Variants in KCNIP1 observed in about 807,000 individuals in gnomAD.
The protein encoded by KCNIP1 is A-type potassium channel modulatory protein KCNIP1.
In KCNIP1, 18 loss-of-function variants were observed where a neutral mutation model predicts 33.0. The ratio of observed to expected loss-of-function variants is 0.55; its 90% CI spans 0.38 to 0.81. The LOEUF (loss-of-function observed/expected upper bound fraction) is 0.81. KCNIP1 is among the 30% of genes least tolerant of loss of function. KCNIP1 has a pLI of 0.00. For synonymous variants in KCNIP1, 93 were observed against 98.3 expected (o/e 0.95, Z 0.32); for missense variants, 238 against 271.6 (o/e 0.88, Z 0.87).
intron 5 of KCNIP1, among the ~76,000 whole-genome samples, chr5:170,730,640 G>A (rs555759167): frequency 5.3e-4 from 81 of 152,286 alleles, no homozygotes; most frequent in Admixed American, 1.9e-3. Flanking sequence ...CTATTTCCTC[G>A]TTCTATCTGT....
Position 170,528,688 on chromosome 5 carries a change from A to T in KCNIP1, c.61+24055A>T, listed in dbSNP as rs150903691. 3.0e-4 allele frequency among the ~76,000 whole-genome samples: 45 copies of T among 152,342 alleles called. No homozygotes were observed. The East Asian group carries it at 8.5e-3, about 29-fold the overall frequency. ...CCCCGTCTCTCTGTTCATAGACAGG[A>T]AATCTGTGGCCTATTCTGGGACCTC... is the stretch of plus-strand genomic sequence containing the variant. On this transcript the variant is annotated intron_variant, in intron 1 of 7. Coordinates refer to ENST00000328939, the MANE Select transcript of KCNIP1 (RefSeq NM_014592.4).
rs999942304 is a variant in KCNIP1, at chr5:170,504,846, T to A, written c.61+213T>A. 3.3e-5 allele frequency among the ~76,000 whole-genome samples: 5 copies of A among 152,284 alleles called. No individual in the cohort carries two copies. The highest frequency in any genetic ancestry group is 9.6e-5 in the African/African-American group (4 of 41,570). On this transcript the variant is annotated intron_variant, in intron 1 of 7. Coordinates refer to ENST00000328939, the MANE Select transcript of KCNIP1 (RefSeq NM_014592.4). The surrounding 1 kb of genome is among the most constrained non-coding windows in gnomAD (Gnocchi z 6.0). ...AGTGGACGTCTGCCCCAGCGGCAACTGGACCCCTCTGGGGCACCAGGTGTC... is the reference window on the plus strand; with the variant it reads ...AGTGGACGTCTGCCCCAGCGGCAACAGGACCCCTCTGGGGCACCAGGTGTC...
intron 1 of KCNIP1, among the ~76,000 whole-genome samples, chr5:170,644,084 A>T (rs1209965784): frequency 6.6e-6 from 1 of 152,204 alleles, no homozygotes; most frequent in Non-Finnish European, 1.5e-5. Flanking sequence ...TGCCCTCAGT[A>T]AGTCTGCCAG....
intron 1 of KCNIP1, among the ~76,000 whole-genome samples, chr5:170,615,471 T>C (rs79749820): frequency 6.6e-6 from 1 of 152,232 alleles, no homozygotes; most frequent in Non-Finnish European, 1.5e-5. Flanking sequence ...TCTGCAATCA[T>C]GGAGCTGGCA....
At chr5:170,608,487 C>A (rs958705592) in intron 1 of KCNIP1, among the ~76,000 whole-genome samples, 4 of 152,158 alleles carry the variant, frequency 2.6e-5, no homozygotes, top group African/African-American at 9.7e-5. Context: ...AACACAAAGA[C>A]AAGGCTGGGC....
intron 1 of KCNIP1, among the ~76,000 whole-genome samples, chr5:170,427,887 G>C (rs1407282174): frequency 6.6e-6 from 1 of 152,202 alleles, no homozygotes; most frequent in Non-Finnish European, 1.5e-5. Flanking sequence ...AAGCTGCCCA[G>C]AGCCTCCCAG....
chr5:170,591,408 C>T (rs78106939), intron 1 of KCNIP1, among the ~76,000 whole-genome samples: 1,626 of 152,110 alleles, frequency 0.011, 28 homozygotes, highest in African/African-American at 0.037. Context: ...TGGCACTTGT[C>T]GAGATCTCCC....
chr5:170,708,891 C>A (rs1219250671), intron 1 of KCNIP1, among the ~76,000 whole-genome samples: 1 of 151,958 alleles, frequency 6.6e-6, no homozygotes, highest in Non-Finnish European at 1.5e-5. Context: ...ATAGCGAGAC[C>A]CTGTCTCAAA....
chr5:170,625,413 G>A (rs1013179637), intron 1 of KCNIP1, among the ~76,000 whole-genome samples: 1 of 152,196 alleles, frequency 6.6e-6, no homozygotes, highest in African/African-American at 2.4e-5. Flanking sequence ...ACCCCTGGCT[G>A]CGGCGTAAGC....
At chr5:170,609,896 ATTCAT>A (rs1288552479) in intron 1 of KCNIP1, among the ~76,000 whole-genome samples, 7 of 152,290 alleles carry the variant, frequency 4.6e-5, no homozygotes, top group Non-Finnish European at 8.8e-5. Context: ...TACTTTGCTC[ATTCAT>A]TTAAGTCAGT....
chr5:170,728,856 AAAG>A (rs756886331), intron 5 of KCNIP1, among the ~76,000 whole-genome samples: 16 of 152,122 alleles, frequency 1.1e-4, no homozygotes, highest in Non-Finnish European at 1.8e-4. Context: ...TAATTTTCAA[AAAG>A]AAGAAAAATG....
At chr5:170,410,384 A>G (rs901803359) in intron 1 of KCNIP1, among the ~76,000 whole-genome samples, 2 of 151,550 alleles carry the variant, frequency 1.3e-5, no homozygotes, top group South Asian at 2.1e-4. Flanking sequence ...TGGGTCCCCC[A>G]TGCAGGGTAT....
At chr5:170,455,012 A>C (rs1221851572) in intron 1 of KCNIP1, among the ~76,000 whole-genome samples, 2 of 152,256 alleles carry the variant, frequency 1.3e-5, no homozygotes, top group Non-Finnish European at 2.9e-5. Context: ...AATATCAGGA[A>C]GATACCACAA....
Position 170,604,686 on chromosome 5 carries a change from A to T in KCNIP1, c.61+100053A>T, listed in dbSNP as rs535304438. Among the ~76,000 whole-genome samples, 74 of 152,306 alleles carry T rather than the reference A, an allele frequency of 4.9e-4. 2 individuals are homozygous for T. The South Asian group carries it at 0.014, about 30-fold the overall frequency. ...AGTGGAAGCTGGAGAGCCTTTGTCC[A>T]GGCACTGACAGCAGGAGGTTTCATG... On this transcript the variant is annotated intron_variant, in intron 1 of 7. Transcript: ENST00000328939.
At chr5:170,561,064 G>A (rs528667686) in intron 1 of KCNIP1, 233 of 455,474 alleles carry the variant, frequency 5.1e-4, no homozygotes, top group Non-Finnish European at 7.2e-4. Flanking sequence ...TGGCTGGTGC[G>A]TGGCTGTGCT....
chr5:170,589,723 ATGTGGTGTGGTGTGGTGTGG>A (rs70979189), intron 1 of KCNIP1, among the ~76,000 whole-genome samples: 4,148 of 132,402 alleles, frequency 0.031, 235 homozygotes, highest in African/African-American at 0.11. Context: ...GTGTGGTGTG[ATGTGGTGTGGTGTGGTGTGG>A]TGTGGTGTGG....
rs78498995 is a variant in KCNIP1 at position 170,409,851 on chromosome 5, C to T, written c.88+55887C>T. Among the ~76,000 whole-genome samples, 1,222 of 152,312 alleles carry T rather than the reference C, an allele frequency of 8.0e-3. 16 individuals are homozygous for T. Among genetic ancestry groups the T allele is most frequent in the African/African-American group, 0.028 (1,147 of 41,552 alleles). ...GTAAAATGGGCAACATAATGTATTT[C>T]TCCTCTGGGTTGTCATGAGCATTCA... On this transcript the variant is annotated intron_variant, in intron 1 of 7. Coordinates refer to the KCNIP1 transcript ENST00000377360.
intron 1 of KCNIP1, among the ~76,000 whole-genome samples, chr5:170,480,819 T>C (rs1040711838): frequency 2.0e-5 from 3 of 152,122 alleles, no homozygotes; most frequent in South Asian, 2.1e-4. Flanking sequence ...ATGTTATCAG[T>C]TCCCTCTTTA....
At chr5:170,612,383 G>A (rs1025397573) in intron 1 of KCNIP1, among the ~76,000 whole-genome samples, 3 of 152,208 alleles carry the variant, frequency 2.0e-5, no homozygotes, top group African/African-American at 7.2e-5. Context: ...TGCAATTAGC[G>A]TAACTAAGCC....
Sources: gnomAD v4.1 joint callset for allele counts (sites outside exome capture counted in the v4.1 genomes callset) on GRCh38, gnomAD v4.1.1 for gene constraint, Gnocchi (gnomAD v3.1) non-coding constraint, MANE v1.5 for transcripts, NCBI Gene and HGNC (gene_info 2026-07-23, HGNC 2026-07-21) for gene names.